Variants in CHN2 observed in about 807,000 individuals in gnomAD.
CHN2 encodes chimerin 2, also known as beta-chimaerin.
In CHN2, 35 loss-of-function variants were observed where a neutral mutation model predicts 56.3. The observed-to-expected ratio is 0.62, with a 90% CI of 0.47 to 0.82. CHN2 has a LOEUF of 0.82. Ranked by LOEUF, CHN2 falls within the 40% of genes least tolerant of loss-of-function variation. The pLI, the probability that CHN2 is intolerant of heterozygous loss-of-function variation, is 0.00. For missense variants in CHN2, 491 were observed against 580.5 expected (o/e 0.85, Z 1.58); for synonymous variants, 210 against 212.8 (o/e 0.99, Z 0.12).
In CHN2 at chr7:29,310,428, G is replaced by A. The variant is rs199581566; in HGVS notation, c.50-44197G>A. Among the ~76,000 whole-genome samples the A allele has an allele frequency of 9.2e-5, 14 of 152,252 alleles. No homozygotes were observed. The East Asian group carries it at 2.7e-3, about 29-fold the overall frequency. On this transcript the variant is annotated intron_variant, in intron 1 of 12. Transcript: ENST00000222792. ...TAAAATGTATACAAATATAAACAATGGAAAATATAAAGATTGAAACGGGAT... is the reference window on the plus strand; with the variant it reads ...TAAAATGTATACAAATATAAACAATAGAAAATATAAAGATTGAAACGGGAT...
intron 1 of CHN2, among the ~76,000 whole-genome samples, chr7:29,304,914 A>G (rs1794021864): frequency 1.3e-5 from 2 of 152,192 alleles, no homozygotes; most frequent in South Asian, 4.1e-4. Flanking sequence ...TTGCTCTGAG[A>G]TTGTGGCCTT....
At chr7:29,258,782 AGT>A (rs1190193817) in intron 1 of CHN2, among the ~76,000 whole-genome samples, 2 of 152,226 alleles carry the variant, frequency 1.3e-5, no homozygotes, top group Non-Finnish European at 2.9e-5. Context: ...TTTACTGATG[AGT>A]GTGTAGAACT....
intron 1 of CHN2, chr7:29,213,001 G>T (rs199566043): frequency 2.9e-5 from 46 of 1,572,080 alleles, no homozygotes; most frequent in Non-Finnish European, 6.1e-6. Flanking sequence ...GAACAATCAG[G>T]CCTGGAACAG....
intron 1 of CHN2, among the ~76,000 whole-genome samples, chr7:29,294,910 T>G (rs924417396): frequency 6.6e-6 from 1 of 152,166 alleles, no homozygotes; most frequent in African/African-American, 2.4e-5. Flanking sequence ...TCCTCATGGA[T>G]CCCGCTGTGT....
chr7:29,479,971 C>A, intron 6 of CHN2: 1 of 1,458,814 alleles, frequency 6.9e-7, no homozygotes. Flanking sequence ...CCTTTCAGGT[C>A]ACATGCCGGA....
At position 29,484,797 on chromosome 7, in the gene CHN2, T is replaced by G. The variant is rs913822166; in HGVS notation, c.654+4441T>G. On this transcript the variant is annotated intron_variant, in intron 7 of 12. Coordinates refer to ENST00000222792, the MANE Select transcript of CHN2 (RefSeq NM_004067.4). ...TCAGGAACCCTCAATAGGAAGGATC[T>G]CTAGCCTCACCCTAAAGGATGCATT... is the stretch of plus-strand genomic sequence containing the variant. Among the ~76,000 whole-genome samples the G allele has an allele frequency of 7.9e-5, 12 of 152,328 alleles. No homozygotes were observed. In the East Asian group the frequency reaches 2.3e-3, roughly 29 times the overall value.
At chr7:29,504,550 A>C (rs1370830224) in intron 9 of CHN2, among the ~76,000 whole-genome samples, 194 bp from the exon 10 acceptor site, 6 of 152,256 alleles carry the variant, frequency 3.9e-5, no homozygotes, top group Admixed American at 3.3e-4. Context: ...CTACATGGGC[A>C]AATGAGAACA....
chr7:29,422,762 G>A (rs936767255), intron 6 of CHN2, among the ~76,000 whole-genome samples: 2 of 152,142 alleles, frequency 1.3e-5, no homozygotes, highest in Non-Finnish European at 1.5e-5. Flanking sequence ...AGGACTTCTC[G>A]GTGGGCTAGC....
intron 1 of CHN2, among the ~76,000 whole-genome samples, chr7:29,285,053 G>C (rs1385606171): frequency 6.6e-6 from 1 of 152,196 alleles, no homozygotes; most frequent in African/African-American, 2.4e-5. Context: ...TGCTCTACTT[G>C]CTGTGGGGTG....
chr7:29,297,637 G>C lies in CHN2; in HGVS notation c.50-56988G>C, dbSNP rs115386014. 8.2e-3 allele frequency among the ~76,000 whole-genome samples: 1,255 copies of C among 152,256 alleles called. 20 individuals are homozygous for C. Among genetic ancestry groups the C allele is most frequent in the African/African-American group, 0.028 (1,171 of 41,558 alleles). The stretch of plus-strand genomic sequence containing the variant: ...GGCCTTTTAGTAGTTTGCACAGAGA[G>C]AGGGCGGCCAAAAGCCCGGCTGGTA... On this transcript the variant is annotated intron_variant, in intron 1 of 12. Transcript: ENST00000222792.
intron 2 of CHN2, among the ~76,000 whole-genome samples, chr7:29,149,442 C>A (rs1016879540): frequency 6.6e-6 from 1 of 152,052 alleles, no homozygotes; most frequent in Non-Finnish European, 1.5e-5. Context: ...TATCCACCTG[C>A]CTTGGCCTCC....
intron 1 of CHN2, among the ~76,000 whole-genome samples, chr7:29,211,006 G>A (rs1196954165): frequency 6.6e-6 from 1 of 152,102 alleles, no homozygotes; most frequent in African/African-American, 2.4e-5. Flanking sequence ...ACTGAGATAG[G>A]TTGTCCCTGG....
intron 3 of CHN2, among the ~76,000 whole-genome samples, chr7:29,383,488 C>G (rs902563642): frequency 1.3e-5 from 2 of 152,202 alleles, no homozygotes; most frequent in Non-Finnish European, 2.9e-5. Flanking sequence ...GGGCCATCTT[C>G]TTTACTCAGT....
intron 1 of CHN2, among the ~76,000 whole-genome samples, chr7:29,282,989 C>T (rs568457792): frequency 6.6e-6 from 1 of 152,060 alleles, no homozygotes; most frequent in African/African-American, 2.4e-5. Context: ...AAGTGAAAGC[C>T]AAATAGCAAA....
intron 12 of CHN2, 90 bp from the exon 13 acceptor site, chr7:29,512,473 GA>G (rs1791592271): frequency 1.8e-6 from 2 of 1,107,300 alleles, no homozygotes; most frequent in Non-Finnish European, 2.5e-6. Flanking sequence ...TCCTGAACCA[GA>G]GATGTTATCG....
At chr7:29,335,523 T>TA (rs1382473174) in intron 1 of CHN2, among the ~76,000 whole-genome samples, 1 of 152,258 alleles carries the variant, frequency 6.6e-6, no homozygotes, top group Non-Finnish European at 1.5e-5. Flanking sequence ...AACCCAAATC[T>TA]AGTCATTTCT....
At chr7:29,479,155 G>A (rs768615425) in intron 6 of CHN2, among the ~76,000 whole-genome samples, 1 of 152,112 alleles carries the variant, frequency 6.6e-6, no homozygotes, top group Non-Finnish European at 1.5e-5. Flanking sequence ...TCTTTTCATG[G>A]GGAGACCTAG....
chr7:29,154,870 C>T (rs957768727), intron 2 of CHN2, among the ~76,000 whole-genome samples: 1 of 152,088 alleles, frequency 6.6e-6, no homozygotes, highest in African/African-American at 2.4e-5. Context: ...AAGACATACT[C>T]GAGACTGGGC....
intron 6 of CHN2, among the ~76,000 whole-genome samples, chr7:29,452,888 G>T (rs943171399): frequency 6.6e-6 from 1 of 152,228 alleles, no homozygotes; most frequent in Admixed American, 6.5e-5. Context: ...CGACTCCACT[G>T]CTTCTTCCCT....
Sources: allele counts gnomAD v4.1 joint callset (sites outside exome capture counted in the v4.1 genomes callset), GRCh38; gene constraint gnomAD v4.1.1; transcripts MANE v1.5; gene names NCBI Gene and HGNC (gene_info 2026-07-23, HGNC 2026-07-21).